ADGRD1: variants seen among roughly 807,000 people sequenced by gnomAD.
ADGRD1 encodes G-protein coupled receptor 133.
Under a neutral mutation model 113.4 loss-of-function variants are expected in ADGRD1, and 77 were observed. That is an observed-to-expected ratio of 0.68 (90% CI 0.57 to 0.82). The LOEUF (loss-of-function observed/expected upper bound fraction) is 0.82, where lower values mean the gene tolerates loss of function less well. Among genes scored for constraint, ADGRD1 ranks in the 40% least tolerant of loss-of-function variants. The pLI, the probability that ADGRD1 is intolerant of heterozygous loss-of-function variation, is 0.00. For missense variants in ADGRD1, 1,036 were observed against 1,139.1 expected (o/e 0.91, Z 1.30); for synonymous variants, 474 against 475.0 (o/e 1.00, Z 0.03).
intron 9 of ADGRD1, among the ~76,000 whole-genome samples, chr12:131,001,190 A>T (rs1218391616): frequency 1.3e-5 from 2 of 152,202 alleles, no homozygotes; most frequent in Admixed American, 6.5e-5. Context: ...GACAATATGT[A>T]CTTCATGATT....
At chr12:130,986,944 AGGT>A in intron 5 of ADGRD1, 148 bp from the exon 6 acceptor site, 1 of 635,516 alleles carries the variant, frequency 1.6e-6, no homozygotes. Flanking sequence ...GGGGAAAGTC[AGGT>A]CTGTGTTATA....
At chr12:131,047,474 C>T (rs1882955104) in intron 13 of ADGRD1, among the ~76,000 whole-genome samples, 1 of 152,324 alleles carries the variant, frequency 6.6e-6, no homozygotes, top group Non-Finnish European at 1.5e-5. Flanking sequence ...CAGGGAGCCC[C>T]CTGTCGGGAG....
intron 20 of ADGRD1, chr12:131,122,019 G>C (rs933837312): frequency 6.6e-6 from 1 of 152,352 alleles, no homozygotes; most frequent in African/African-American, 2.4e-5. Flanking sequence ...GTGATCAGAG[G>C]GTGTGACCTC....
intron 13 of ADGRD1, among the ~76,000 whole-genome samples, chr12:131,016,939 T>C (rs1262882332): frequency 1.3e-5 from 2 of 150,272 alleles, no homozygotes; most frequent in African/African-American, 4.9e-5. Context: ...TCTGAAGGAC[T>C]CTGGAACCTC....
intron 20 of ADGRD1, among the ~76,000 whole-genome samples, chr12:131,123,039 G>GTTTTTTTTTTTTT (rs552353187): frequency 6.8e-4 from 35 of 51,358 alleles, no homozygotes; most frequent in South Asian, 2.7e-3. Context: ...TACCTGGGGA[G>GTTTTTTTTTTTTT]TTTTTTTTTT....
rs747081428 is a variant in ADGRD1, at chr12:130,984,926, CTTCTCTCT to C, written c.491-2156_491-2149del. Among the ~76,000 whole-genome samples the C allele has an allele frequency of 2.0e-5, 3 of 150,206 alleles. No homozygotes were observed. The highest frequency in any genetic ancestry group is 2.1e-4 in the South Asian group (1 of 4,692). ...CTCTCTCTCACTCTCTCTCTCCTCT[CTTCTCTCT>C]TTCTCTCTTTCTTTCTTTTTCTTTC... On this transcript the variant is annotated intron_variant, in intron 5 of 24. Transcript: ENST00000261654. This position sits in a 1 kb window ranked among gnomAD's most constrained non-coding sequence, Gnocchi z 4.1.
intron 2 of ADGRD1, among the ~76,000 whole-genome samples, chr12:130,963,339 A>C (rs1212209058): frequency 7.3e-6 from 1 of 136,494 alleles, no homozygotes; most frequent in Non-Finnish European, 1.6e-5. Flanking sequence ...AAAAAAAAAA[A>C]AAAGAAAGAA....
chr12:131,131,384 T>C (rs893363687), intron 20 of ADGRD1, among the ~76,000 whole-genome samples: 1 of 152,196 alleles, frequency 6.6e-6, no homozygotes, highest in Admixed American at 6.5e-5. Flanking sequence ...GCACTGAGGC[T>C]CCGAGGACCT....
At chr12:131,088,095 A>G (rs1232075249) in intron 15 of ADGRD1, among the ~76,000 whole-genome samples, 1 of 152,022 alleles carries the variant, frequency 6.6e-6, no homozygotes, top group East Asian at 1.9e-4. Context: ...CCAGGGGAGA[A>G]GGCGCAGAGC....
chr12:131,037,796 TCAC>T (rs1172457333), intron 13 of ADGRD1, among the ~76,000 whole-genome samples: 2 of 37,386 alleles, frequency 5.3e-5, no homozygotes, highest in African/African-American at 1.3e-4. Context: ...GCACCGGGTC[TCAC>T]TCACTGCACC....
intron 23 of ADGRD1, among the ~76,000 whole-genome samples, chr12:131,137,479 C>T (rs544809558): frequency 6.6e-6 from 1 of 152,356 alleles, no homozygotes; most frequent in Admixed American, 6.5e-5. Context: ...GAGGTAGGGG[C>T]TGCCCCAAGG....
At chr12:131,023,529 A>G (rs1879575509) in intron 13 of ADGRD1, 1 of 152,124 alleles carries the variant, frequency 6.6e-6, no homozygotes, top group Non-Finnish European at 1.5e-5. Flanking sequence ...TACTTTTTAA[A>G]TAGCCCCTTC....
rs1031470793 is a variant in ADGRD1 at position 131,139,953 on chromosome 12, G to A, written c.*690G>A. ...CGACCCCTCTGCCCTGTCCTTGGGG[G>A]GGTCCCCTCTGCTCACGTGAAGAGC... is the stretch of plus-strand genomic sequence containing the variant. On this transcript the variant is annotated 3_prime_UTR_variant, in exon 25 of 25. Transcript: ENST00000261654. 1 of 152,362 alleles carries A rather than the reference G, an allele frequency of 6.6e-6. No homozygotes were observed. Among genetic ancestry groups the A allele is most frequent in the African/African-American group, 2.4e-5 (1 of 41,470 alleles). 9.4% of individuals were successfully genotyped at this position (152,362 alleles called of 1,614,324 possible).
intron 13 of ADGRD1, among the ~76,000 whole-genome samples, chr12:131,040,215 T>C (rs1227636922): frequency 6.6e-6 from 1 of 152,124 alleles, no homozygotes. Context: ...TTTGAGGTGT[T>C]TTGTCAACCA....
Position 131,003,441 on chromosome 12 carries a change from G to C in ADGRD1, c.1144+139G>C. On this transcript the variant is annotated intron_variant, in intron 10 of 24. Transcript: ENST00000261654. The surrounding 1 kb of genome is among the most constrained non-coding windows in gnomAD (Gnocchi z 4.8). ...GCTCTGCCTGGCACAAACCACATTT[G>C]GAAGGAAAACCCGTGGTCAGATGAG... 1.5e-6 allele frequency: 1 copy of C among 684,644 alleles called. No individual in the cohort carries two copies. Among genetic ancestry groups the C allele is most frequent in the Admixed American group, 2.2e-5 (1 of 45,552 alleles). 42.4% of individuals were successfully genotyped at this position (684,644 alleles called of 1,614,324 possible).
chr12:131,121,623 G>A (rs1950596828), intron 20 of ADGRD1, among the ~76,000 whole-genome samples: 1 of 152,110 alleles, frequency 6.6e-6, no homozygotes, highest in South Asian at 2.1e-4. Flanking sequence ...CAGGTGATCT[G>A]CCCTCCTCTG....
intron 12 of ADGRD1, among the ~76,000 whole-genome samples, chr12:131,007,048 G>C (rs1877215293): frequency 2.0e-5 from 3 of 152,260 alleles, no homozygotes; most frequent in Non-Finnish European, 2.9e-5. Context: ...TGAAATATAT[G>C]AGACGTGCAT....
chr12:131,003,249 A>T lies in ADGRD1; in HGVS notation c.1091A>T (p.Asn364Ile), dbSNP rs146050435. Reference protein sequence around the residue: ...IDTVMGHVSSNLHGSTPQVTV... With the variant: ...IDTVMGHVSSILHGSTPQVTV... ...ACCGTCATGGGCCATGTATCCTCCA[A>T]CCTGCACGGCAGCACGCCCCAGGTC... Residue 364 changes from asparagine (N) to isoleucine (I), a missense_variant, in exon 10 of 25, where the codon AAC becomes ATC. Asn to Ile is a moderately radical substitution (Grantham distance 149). Transcript: ENST00000261654. This position sits in a 1 kb window ranked among gnomAD's most constrained non-coding sequence, Gnocchi z 4.8. The T allele has an allele frequency of 1.2e-6, 2 of 1,614,006 alleles. No homozygotes were observed. The highest frequency in any genetic ancestry group is 2.7e-5 in the African/African-American group (2 of 74,934).
intron 10 of ADGRD1, 146 bp from the exon 11 acceptor site, chr12:131,004,040 T>TTTTA: frequency 9.1e-6 from 5 of 548,584 alleles, no homozygotes; most frequent in Non-Finnish European, 9.7e-6. Context: ...TTTTTTTTTT[T>TTTTA]GAGGCCATGC....
Sources: gnomAD v4.1 joint callset for allele counts (sites outside exome capture counted in the v4.1 genomes callset) on GRCh38, gnomAD v4.1.1 for gene constraint, Gnocchi (gnomAD v3.1) non-coding constraint, MANE v1.5 for transcripts, NCBI Gene and HGNC (gene_info 2026-07-23, HGNC 2026-07-21) for gene names.